Variants in CUX1 observed in about 807,000 individuals in gnomAD.
CUX1 encodes the protein protein CASP.
CUX1 carries 31 observed loss-of-function variants against 158.8 expected under a neutral mutation model. That is an observed-to-expected ratio of 0.20 (90% CI 0.15 to 0.26). The LOEUF (loss-of-function observed/expected upper bound fraction) is 0.26, where lower values mean the gene tolerates loss of function less well. Ranked by LOEUF, CUX1 falls within the 10% of genes least tolerant of loss-of-function variation. CUX1 has a pLI of 1.00. For missense variants in CUX1, 1,589 were observed against 2,014.6 expected (o/e 0.79, Z 4.04); for synonymous variants, 879 against 862.1 (o/e 1.02, Z -0.34).
chr7:101,951,851 TTACTG>T (rs1347379055), intron 2 of CUX1, among the ~76,000 whole-genome samples: 1 of 152,224 alleles, frequency 6.6e-6, no homozygotes, highest in Non-Finnish European at 1.5e-5. Flanking sequence ...GGCAAACTGT[TTACTG>T]TAAAGAACCA....
chr7:102,069,361 C>G (rs1825887469), intron 3 of CUX1, among the ~76,000 whole-genome samples: 1 of 152,202 alleles, frequency 6.6e-6, no homozygotes, highest in African/African-American at 2.4e-5. Context: ...CGTGGGTCCC[C>G]TATGCCCCAT....
rs1366681244 is a variant in CUX1 at position 102,252,510 on chromosome 7, T to G, written c.*3468T>G. On this transcript the variant is annotated 3_prime_UTR_variant, in exon 24 of 24. Transcript: ENST00000292535. ...GCTCCATTATGCCATTTTAAATGGC[T>G]TCTTTTTGTTAATTGGAGGCATTGT... The G allele has an allele frequency of 1.0e-6, 1 of 985,378 alleles. No individual in the cohort carries two copies. The highest frequency in any genetic ancestry group is 1.2e-6 in the Non-Finnish European group (1 of 829,952). The allele number at this position is 985,378 out of a possible 1,614,324, so 61.0% of individuals were successfully genotyped here.
chr7:102,107,191 G>T (rs1830448362), intron 6 of CUX1, among the ~76,000 whole-genome samples: 2 of 150,646 alleles, frequency 1.3e-5, no homozygotes, highest in Non-Finnish European at 1.5e-5. Flanking sequence ...CTATGATCAG[G>T]CCACTGCAAT....
intron 18 of CUX1, among the ~76,000 whole-genome samples, chr7:102,203,367 T>C (rs1554520262): frequency 1.1e-4 from 17 of 151,784 alleles, no homozygotes; most frequent in Non-Finnish European, 1.5e-4. Flanking sequence ...CCAGGGTCCC[T>C]GCATGGCGCC....
intron 2 of CUX1, among the ~76,000 whole-genome samples, chr7:102,007,232 C>T (rs1817493116): frequency 6.6e-6 from 1 of 152,180 alleles, no homozygotes; most frequent in Non-Finnish European, 1.5e-5. Flanking sequence ...GCCTCGGCCT[C>T]CTGTACCTAA....
In CUX1 at chr7:101,994,309, A is replaced by G. The variant is rs143424145; in HGVS notation, c.142-33789A>G. ...AGCTTTGCACACCTTTAACTAGACT[A>G]AGAAGATTTGAGGCCAGGGGCAGTA... On this transcript the variant is annotated intron_variant, in intron 2 of 23. Transcript: ENST00000292535. Among the ~76,000 whole-genome samples the G allele has an allele frequency of 3.4e-3, 523 of 152,328 alleles. 2 individuals are homozygous for G. Among genetic ancestry groups the G allele is most frequent in the African/African-American group, 0.012 (493 of 41,572 alleles).
chr7:101,838,322 C>T (rs1458685072), intron 1 of CUX1, among the ~76,000 whole-genome samples: 1 of 150,764 alleles, frequency 6.6e-6, no homozygotes, highest in African/African-American at 2.4e-5. Context: ...TAGAGACGGG[C>T]TTTCACCATG....
chr7:102,178,385 TTC>T (rs1343715949), intron 10 of CUX1, 82 bp from the exon 11 acceptor site: 1 of 1,313,178 alleles, frequency 7.6e-7, no homozygotes, highest in Non-Finnish European at 1.1e-6. Flanking sequence ...TCTGTGCAGC[TTC>T]TGTCTCAGTT....
intron 23 of CUX1, among the ~76,000 whole-genome samples, chr7:102,243,918 T>G (rs542460844): frequency 3.3e-5 from 5 of 152,014 alleles, no homozygotes; most frequent in Admixed American, 6.5e-5. Context: ...TCCCAGCTAC[T>G]CTAGAGGCTG....
At chr7:102,117,312 C>T (rs186517804) in intron 8 of CUX1, among the ~76,000 whole-genome samples, 44 of 141,588 alleles carry the variant, frequency 3.1e-4, no homozygotes, top group Middle Eastern at 4.0e-3. Flanking sequence ...GCAGGAGAAT[C>T]GCTTGAACTC....
chr7:101,829,804 CCCCATCATT>C (rs1278526546), intron 1 of CUX1, among the ~76,000 whole-genome samples: 2 of 152,210 alleles, frequency 1.3e-5, no homozygotes, highest in South Asian at 2.1e-4. Context: ...ATCACGGCTG[CCCCATCATT>C]CCCATTAGCA....
chr7:102,132,651 G>A (rs1425011087), intron 8 of CUX1, among the ~76,000 whole-genome samples: 5 of 145,650 alleles, frequency 3.4e-5, no homozygotes, highest in Non-Finnish European at 7.5e-5. Flanking sequence ...TCTCACTACC[G>A]TCATTTTAAT....
chr7:101,919,782 G>A (rs1804683900), intron 2 of CUX1, among the ~76,000 whole-genome samples: 1 of 152,218 alleles, frequency 6.6e-6, no homozygotes, highest in African/African-American at 2.4e-5. Context: ...CTTCCCAGAT[G>A]TCACTGGGAA....
At position 102,196,893 on chromosome 7, in the gene CUX1, C is replaced by T; in HGVS notation, c.1482C>T (p.Ser494=). The change falls in exon 15 of 24, where the codon TCC becomes TCT. Residue 494 remains serine, a synonymous_variant. Coordinates refer to ENST00000292535, the MANE Select transcript of CUX1 (RefSeq NM_181552.4). ...GGCAGCTAATGCAGTCCTTCTACTC[C>T]AAGGCTATGCAGGAAGCCGGAAGCA... ...LQRQLMQSFY[S]KAMQEAGSTS... 6.2e-7 allele frequency: 1 copy of T among 1,614,150 alleles called. No homozygotes were observed. The highest frequency in any genetic ancestry group is 8.5e-7 in the Non-Finnish European group (1 of 1,180,042).
chr7:101,855,086 G>A (rs1266205046), intron 1 of CUX1, among the ~76,000 whole-genome samples: 1 of 152,234 alleles, frequency 6.6e-6, no homozygotes, highest in Non-Finnish European at 1.5e-5. Flanking sequence ...CCTCTTCTCT[G>A]TTAATGCATC....
chr7:102,233,829 T>A (rs1460306599), intron 21 of CUX1, among the ~76,000 whole-genome samples: 1 of 152,122 alleles, frequency 6.6e-6, no homozygotes, highest in Non-Finnish European at 1.5e-5. Context: ...TGGTTGTGTG[T>A]ACGGAGAATG....
chr7:102,040,547 A>G (rs1282426435), intron 3 of CUX1, among the ~76,000 whole-genome samples: 1 of 152,194 alleles, frequency 6.6e-6, no homozygotes, highest in African/African-American at 2.4e-5. Context: ...CCCCATGGGC[A>G]CCGGCAGGAT....
chr7:101,981,627 T>G (rs1286217288), intron 2 of CUX1, among the ~76,000 whole-genome samples: 1 of 152,154 alleles, frequency 6.6e-6, no homozygotes, highest in African/African-American at 2.4e-5. Flanking sequence ...CTTTTTTTTT[T>G]TTTGAGACGG....
chr7:102,066,661 C>T (rs543081769), intron 3 of CUX1, among the ~76,000 whole-genome samples: 8 of 152,278 alleles, frequency 5.3e-5, no homozygotes, highest in South Asian at 4.1e-4. Context: ...GGCCATCAAG[C>T]GGTACGGACA....
Sources: allele counts gnomAD v4.1 joint callset (sites outside exome capture counted in the v4.1 genomes callset), GRCh38; gene constraint gnomAD v4.1.1; transcripts MANE v1.5; gene names NCBI Gene and HGNC (gene_info 2026-07-23, HGNC 2026-07-21).